CMTR1: variants seen among roughly 807,000 people sequenced by gnomAD.
CMTR1 encodes cap methyltransferase 1.
A neutral mutation model predicts 107.0 loss-of-function variants in CMTR1; 39 were observed. The ratio of observed to expected loss-of-function variants is 0.36; its 90% CI spans 0.28 to 0.48. CMTR1 has a LOEUF of 0.48. Ranked by LOEUF, CMTR1 falls within the 20% of genes least tolerant of loss-of-function variation. CMTR1 has a pLI of 0.99. For synonymous variants in CMTR1, 366 were observed against 379.5 expected, an observed-to-expected ratio of 0.96 and a Z score of 0.41; for missense variants, 672 against 1,064.9, an observed-to-expected ratio of 0.63 and a Z score of 5.14.
chr6:37,454,237 C>T (rs1761245128), intron 8 of CMTR1, among the ~76,000 whole-genome samples: 1 of 152,220 alleles, frequency 6.6e-6, no homozygotes, highest in Non-Finnish European at 1.5e-5. Flanking sequence ...CCACTAGACC[C>T]CCTGATTATC....
At chr6:37,440,067 A>G (rs886456074) in intron 2 of CMTR1, among the ~76,000 whole-genome samples, 5 of 152,192 alleles carry the variant, frequency 3.3e-5, no homozygotes, top group Non-Finnish European at 5.9e-5. Flanking sequence ...CTTCCTTGTA[A>G]TGACTTAATA....
In CMTR1 at chr6:37,469,521, C is replaced by CTTTTTTT. The variant is rs763917812; in HGVS notation, c.1506-1482_1506-1476dup. 2.1e-3 allele frequency among the ~76,000 whole-genome samples: 130 copies of CTTTTTTT among 61,612 alleles called. 1 individual carries two copies. The highest frequency in any genetic ancestry group is 3.3e-3 in the Admixed American group (12 of 3,630). The allele number at this position is 61,612 out of a possible 152,430, so 40.4% of individuals were successfully genotyped here. On this transcript the variant is annotated intron_variant, in intron 13 of 23. Transcript: ENST00000373451. Reference sequence around the variant, plus strand: ...TAGTTTGTCAATATGTTGTTTTATCCTTTTTTTTTTTTTTTTTTTTTTTTG... The same window carrying CTTTTTTT: ...TAGTTTGTCAATATGTTGTTTTATCCTTTTTTTTTTTTTTTTTTTTTTTTTTTTTTTG...
chr6:37,481,279 C>T lies in CMTR1; in HGVS notation c.*1134C>T. ...GAAATACCTCTCAGAGATGTTCATGCAGGCTCCCTAGGGCCCCATCCCAGT... is the reference window on the plus strand; with the variant it reads ...GAAATACCTCTCAGAGATGTTCATGTAGGCTCCCTAGGGCCCCATCCCAGT... On this transcript the variant is annotated 3_prime_UTR_variant, in exon 24 of 24. Coordinates refer to ENST00000373451, the MANE Select transcript of CMTR1 (RefSeq NM_015050.3). The T allele has an allele frequency of 8.0e-7, 1 of 1,254,740 alleles. No individual in the cohort carries two copies. Among genetic ancestry groups the T allele is most frequent in the Non-Finnish European group, 1.0e-6 (1 of 970,526 alleles). The allele number at this position is 1,254,740 out of a possible 1,614,324, so 77.7% of individuals were successfully genotyped here. A position where few individuals can be genotyped will look rare whatever the true frequency, so the allele number is the denominator to read the frequency against.
At chr6:37,466,813 G>A (rs1214151058) in intron 13 of CMTR1, among the ~76,000 whole-genome samples, 1 of 151,932 alleles carries the variant, frequency 6.6e-6, no homozygotes, top group African/African-American at 2.4e-5. Context: ...TTTAGGATGG[G>A]TTTTTCTATT....
At chr6:37,424,616 A>AAAC in the CMTR1 span, among the ~76,000 whole-genome samples, 6 of 152,116 alleles carry the variant, frequency 3.9e-5, no homozygotes, top group African/African-American at 1.4e-4. Flanking sequence ...ATTATACAGA[A>AAAC]AACAAAATAC....
chr6:37,457,345 G>A (rs1761317579), intron 8 of CMTR1, among the ~76,000 whole-genome samples: 2 of 152,126 alleles, frequency 1.3e-5, no homozygotes, highest in Admixed American at 6.5e-5. Flanking sequence ...TCCGAGCGTT[G>A]CCTGGAAGCT....
At chr6:37,470,247 C>T (rs28410961) in intron 13 of CMTR1, among the ~76,000 whole-genome samples, 15 of 151,534 alleles carry the variant, frequency 9.9e-5, no homozygotes, top group African/African-American at 2.9e-4. Context: ...CCTGGGTTCA[C>T]GCCATTCTCC....
the CMTR1 span, among the ~76,000 whole-genome samples, chr6:37,428,163 A>G: frequency 6.6e-6 from 1 of 152,200 alleles, no homozygotes; most frequent in Admixed American, 6.5e-5. Flanking sequence ...GTAAAGGAAG[A>G]CCAAAAATTT....
At chr6:37,476,249 C>T (rs1266126647) in intron 20 of CMTR1, 55 bp downstream of exon 20, 10 of 1,580,640 alleles carry the variant, frequency 6.3e-6, no homozygotes, top group Non-Finnish European at 8.7e-6. Context: ...CCTGCTGCTC[C>T]CGTCCAGTGA....
chr6:37,471,021 C>G lies in CMTR1; in HGVS notation c.1506C>G (p.Ser502Arg). 2 of 1,601,430 alleles carry G rather than the reference C, an allele frequency of 1.2e-6. No homozygotes were observed. The highest frequency in any genetic ancestry group is 1.7e-6 in the Non-Finnish European group (2 of 1,175,006). Residue 502 changes from serine (S) to arginine (R), a missense_variant and splice_region_variant, in exon 14 of 24, where the codon AGC becomes AGG. Ser to Arg is a moderately radical substitution (Grantham distance 110). Coordinates refer to ENST00000373451, the MANE Select transcript of CMTR1 (RefSeq NM_015050.3). ...ATCAAATAATTTTTTTTTCTTCTAG[C>G]CACTGTAGTCTGCAGATCAAAGCTC... Reference protein sequence around the residue: ...FTDYMIRSNESHCSLQIKALA... With the variant: ...FTDYMIRSNERHCSLQIKALA...
intron 2 of CMTR1, among the ~76,000 whole-genome samples, chr6:37,437,533 A>AAG (rs5875584): frequency 2.0e-5 from 3 of 150,588 alleles, no homozygotes; most frequent in African/African-American, 7.4e-5. Context: ...AAAAAAAAAA[A>AAG]GCTCATCAGC....
In CMTR1 at chr6:37,446,440, TGA is replaced by T; in HGVS notation, c.437_438del (p.Glu146AlafsTer7). 1 of 1,613,156 alleles carries T rather than the reference TGA, an allele frequency of 6.2e-7. No individual in the cohort carries two copies. Among genetic ancestry groups the T allele is most frequent in the Non-Finnish European group, 8.5e-7 (1 of 1,179,952 alleles). The part of the protein sequence containing the change: ...DQELNVDWRD[E>X]PEPSACEQVS... ...AGGAGCTGAACGTGGACTGGCGAGA[TGA>T]GCCAGAGGTAAGTGTTAAAGTGAGG... On this transcript the variant is annotated frameshift_variant, in exon 4 of 24. Coordinates refer to ENST00000373451, the MANE Select transcript of CMTR1 (RefSeq NM_015050.3). LOFTEE classifies it high-confidence loss of function.
Position 37,481,340 on chromosome 6 carries a change from C to G in CMTR1, c.*1195C>G. The G allele has an allele frequency of 1.7e-6, 2 of 1,196,626 alleles. No individual in the cohort carries two copies. Among genetic ancestry groups the G allele is most frequent in the Non-Finnish European group, 2.1e-6 (2 of 946,984 alleles). 74.1% of individuals were successfully genotyped at this position (1,196,626 alleles called of 1,614,324 possible). A position where few individuals can be genotyped will look rare whatever the true frequency, so the allele number is the denominator to read the frequency against. On this transcript the variant is annotated 3_prime_UTR_variant, in exon 24 of 24. Transcript: ENST00000373451. ...TTTCCATGGAGATAGGGCACTGAGGCTCCCGTGAGGTTGGAATCGACTTCA... is the reference window on the plus strand; with the variant it reads ...TTTCCATGGAGATAGGGCACTGAGGGTCCCGTGAGGTTGGAATCGACTTCA...
intron 6 of CMTR1, 25 bp downstream of exon 6, chr6:37,451,902 A>G (rs756732715): frequency 2.4e-5 from 39 of 1,593,030 alleles, no homozygotes; most frequent in Non-Finnish European, 3.4e-5. Flanking sequence ...CTAGAACCAG[A>G]TAATGAAAAC....
intron 2 of CMTR1, among the ~76,000 whole-genome samples, chr6:37,439,314 C>T (rs186829355): frequency 1.5e-4 from 23 of 152,302 alleles, no homozygotes; most frequent in Non-Finnish European, 4.4e-5. Context: ...CAGATGAGGT[C>T]ATTTTGTTCT....
intron 1 of CMTR1, among the ~76,000 whole-genome samples, chr6:37,434,232 C>T (rs1771470731): frequency 6.6e-6 from 1 of 152,120 alleles, no homozygotes; most frequent in South Asian, 2.1e-4. Flanking sequence ...GCTGCTTTCT[C>T]AGGAAGGTGG....
rs1761855883 is a variant in CMTR1, at chr6:37,481,442, A to AC, written c.*1300dup. The AC allele has an allele frequency of 8.6e-7, 1 of 1,169,226 alleles. No homozygotes were observed. Among genetic ancestry groups the AC allele is most frequent in the Admixed American group, 3.9e-5 (1 of 25,810 alleles). 72.4% of individuals were successfully genotyped at this position (1,169,226 alleles called of 1,614,324 possible). A position where few individuals can be genotyped will look rare whatever the true frequency, so the allele number is the denominator to read the frequency against. ...AGCACTGCTGAGATGCTGTATTTCC[A>AC]CCCAATTCTGGGTATATCAGTGTGT... On this transcript the variant is annotated 3_prime_UTR_variant, in exon 24 of 24. Transcript: ENST00000373451.
intron 9 of CMTR1, among the ~76,000 whole-genome samples, chr6:37,459,237 T>C (rs1761355227): frequency 6.6e-6 from 1 of 152,284 alleles, no homozygotes; most frequent in Non-Finnish European, 1.5e-5. Flanking sequence ...CTATGTTGAT[T>C]GTAATTTGAC....
chr6:37,443,484 A>G (rs753423588), intron 2 of CMTR1, among the ~76,000 whole-genome samples: 9 of 151,806 alleles, frequency 5.9e-5, no homozygotes, highest in Admixed American at 1.3e-4. Flanking sequence ...CCTCCCAAGT[A>G]GCTTGGATTA....
Sources: gnomAD v4.1 joint callset for allele counts (sites outside exome capture counted in the v4.1 genomes callset) on GRCh38, gnomAD v4.1.1 for gene constraint, MANE v1.5 for transcripts, NCBI Gene and HGNC (gene_info 2026-07-23, HGNC 2026-07-21) for gene names.